The following CAMKMT variants were observed in gnomAD, a reference collection of about 807,000 sequenced individuals.
CAMKMT encodes CaM KMT.
Under a neutral mutation model 48.0 loss-of-function variants are expected in CAMKMT, and 53 were observed. The observed-to-expected ratio is 1.10, with a 90% CI of 0.89 to 1.39. CAMKMT has a LOEUF of 1.39. Among genes scored for constraint, CAMKMT ranks in the 40% most tolerant of loss-of-function variants. The pLI, the probability that CAMKMT is intolerant of heterozygous loss-of-function variation, is 0.00. For missense variants in CAMKMT, 428 were observed against 402.7 expected, an observed-to-expected ratio of 1.06 and a Z score of -0.54; for synonymous variants, 165 against 152.3, an observed-to-expected ratio of 1.08 and a Z score of -0.61.
intron 1 of CAMKMT, among the ~76,000 whole-genome samples, chr2:44,369,127 A>C (rs1285103397): frequency 6.6e-6 from 1 of 151,988 alleles, no homozygotes; most frequent in African/African-American, 2.4e-5. Flanking sequence ...CCAGTGATCT[A>C]CCCACCTTTG....
intron 3 of CAMKMT, among the ~76,000 whole-genome samples, chr2:44,531,898 A>G (rs1666503549): frequency 6.6e-6 from 1 of 152,182 alleles, no homozygotes; most frequent in South Asian, 2.1e-4. Context: ...TATAATTCTG[A>G]GGCTTCTTCT....
chr2:44,677,707 TAA>T (rs70937929), intron 3 of CAMKMT, among the ~76,000 whole-genome samples: 23 of 147,436 alleles, frequency 1.6e-4, no homozygotes, highest in Admixed American at 2.0e-4. Context: ...AGACTCCGTC[TAA>T]AAAAAAAAAA....
rs1307940727 is a variant in CAMKMT, at chr2:44,633,801, G to A, written c.377-70482G>A. 3.3e-5 allele frequency among the ~76,000 whole-genome samples: 5 copies of A among 151,890 alleles called. No homozygotes were observed. The East Asian group carries it at 9.7e-4, about 29-fold the overall frequency. ...ACTTTTTTTCTTCTTTAAACATCTA[G>A]TAAGTTTTTGAGGATGCAGGATACT... is the stretch of plus-strand genomic sequence containing the variant. On this transcript the variant is annotated intron_variant, in intron 3 of 10. Coordinates refer to ENST00000378494, the MANE Select transcript of CAMKMT (RefSeq NM_024766.5).
intron 5 of CAMKMT, among the ~76,000 whole-genome samples, chr2:44,706,637 T>G (rs796984985): frequency 6.6e-5 from 10 of 151,064 alleles, no homozygotes; most frequent in African/African-American, 2.4e-4. Context: ...TTTCAGATTA[T>G]AGTCCCATTT....
chr2:44,543,717 G>A (rs567999811), intron 3 of CAMKMT, among the ~76,000 whole-genome samples: 1 of 152,264 alleles, frequency 6.6e-6, no homozygotes, highest in South Asian at 2.1e-4. Context: ...GGTTTTACAA[G>A]ATAGAAAATT....
intron 3 of CAMKMT, among the ~76,000 whole-genome samples, chr2:44,464,272 T>G (rs1163007471): frequency 1.3e-5 from 2 of 152,226 alleles, no homozygotes; most frequent in Non-Finnish European, 2.9e-5. Flanking sequence ...ACAAGTCATT[T>G]GAAATTATTG....
rs576825368 is a variant in CAMKMT, at chr2:44,607,833, A to C, written c.377-96450A>C. Among the ~76,000 whole-genome samples the C allele has an allele frequency of 7.9e-5, 12 of 152,190 alleles. No individual in the cohort carries two copies. In the East Asian group the frequency reaches 1.5e-3, roughly 20 times the overall value. The stretch of plus-strand genomic sequence containing the variant: ...ATATGCTCATTACTTTATTTTTAAA[A>C]AACTTTTTATTATGAAATGTAAACG... On this transcript the variant is annotated intron_variant, in intron 3 of 10. Coordinates refer to ENST00000378494, the MANE Select transcript of CAMKMT (RefSeq NM_024766.5).
intron 3 of CAMKMT, among the ~76,000 whole-genome samples, chr2:44,613,791 C>G (rs749851339): frequency 6.6e-6 from 1 of 152,164 alleles, no homozygotes; most frequent in Non-Finnish European, 1.5e-5. Flanking sequence ...GCCAGTCTGA[C>G]TCCTTAAAGA....
At chr2:44,634,335 AC>A (rs1443754414) in intron 3 of CAMKMT, among the ~76,000 whole-genome samples, 1 of 151,632 alleles carries the variant, frequency 6.6e-6, no homozygotes, top group Non-Finnish European at 1.5e-5. Flanking sequence ...CTTAAGTCTC[AC>A]TTCACTTGTT....
At chr2:44,686,880 AAATAAAAT>A (rs1676367585) in intron 3 of CAMKMT, among the ~76,000 whole-genome samples, 1 of 152,220 alleles carries the variant, frequency 6.6e-6, no homozygotes, top group Non-Finnish European at 1.5e-5. Flanking sequence ...CCTAGCACTA[AAATAAAAT>A]AATCCCTTAG....
At chr2:44,693,137 A>G (rs931261180) in intron 3 of CAMKMT, among the ~76,000 whole-genome samples, 1 of 152,126 alleles carries the variant, frequency 6.6e-6, no homozygotes, top group Non-Finnish European at 1.5e-5. Context: ...ACCAGCTCTC[A>G]TCTGGATATT....
chr2:44,507,122 TGAAGGCAGTTTG>T (rs1670302459), intron 3 of CAMKMT, among the ~76,000 whole-genome samples: 1 of 152,100 alleles, frequency 6.6e-6, no homozygotes, highest in Non-Finnish European at 1.5e-5. Flanking sequence ...ATAGAAAAAT[TGAAGGCAGTTTG>T]GAGCTGAATA....
intron 3 of CAMKMT, among the ~76,000 whole-genome samples, chr2:44,506,691 A>C (rs1051646753): frequency 6.6e-6 from 1 of 152,232 alleles, no homozygotes; most frequent in Non-Finnish European, 1.5e-5. Flanking sequence ...GACATTTCAC[A>C]TAGTATAAAT....
chr2:44,600,015 A>T (rs138062141), intron 3 of CAMKMT, among the ~76,000 whole-genome samples: 61 of 152,228 alleles, frequency 4.0e-4, no homozygotes, highest in African/African-American at 1.4e-3. Flanking sequence ...GAAACTTTCC[A>T]ATGTTCTCAT....
chr2:44,635,036 G>A (rs147245508), intron 3 of CAMKMT, among the ~76,000 whole-genome samples: 50 of 152,230 alleles, frequency 3.3e-4, no homozygotes, highest in Non-Finnish European at 6.0e-4. Context: ...TTGCACCATT[G>A]CATTCCAGTT....
At chr2:44,448,230 C>T (rs538839411) in intron 3 of CAMKMT, among the ~76,000 whole-genome samples, 25 of 152,254 alleles carry the variant, frequency 1.6e-4, no homozygotes, top group Middle Eastern at 6.8e-3. Context: ...TCCTTACGCA[C>T]GGGTTTGCAT....
At chr2:44,712,175 A>G (rs1436189349) in intron 6 of CAMKMT, among the ~76,000 whole-genome samples, 2 of 152,120 alleles carry the variant, frequency 1.3e-5, no homozygotes, top group African/African-American at 4.8e-5. Flanking sequence ...TTAAAAAAAA[A>G]ACTTGAGAGA....
At chr2:44,454,759 C>T (rs1461508821) in intron 3 of CAMKMT, among the ~76,000 whole-genome samples, 1 of 152,088 alleles carries the variant, frequency 6.6e-6, no homozygotes, top group East Asian at 1.9e-4. Flanking sequence ...GAGAGGCTTT[C>T]ATGTTAGGTC....
intron 7 of CAMKMT, among the ~76,000 whole-genome samples, chr2:44,716,848 A>G (rs1192439641): frequency 6.6e-6 from 1 of 152,180 alleles, no homozygotes; most frequent in Non-Finnish European, 1.5e-5. Context: ...CAGCATATGG[A>G]ATCAGGGAAT....
Sources: gnomAD v4.1 joint callset for allele counts (sites outside exome capture counted in the v4.1 genomes callset) on GRCh38, gnomAD v4.1.1 for gene constraint, MANE v1.5 for transcripts, NCBI Gene and HGNC (gene_info 2026-07-23, HGNC 2026-07-21) for gene names.